The following ARL3 variants were observed in gnomAD, a reference collection of about 807,000 sequenced individuals.
The protein encoded by ARL3 is ADP-ribosylation factor-like protein 3.
In ARL3, 9 loss-of-function variants were observed where a neutral mutation model predicts 26.0. The observed-to-expected ratio is 0.35, with a 90% CI of 0.21 to 0.60. The LOEUF is 0.60. Among genes scored for constraint, ARL3 ranks in the 20% least tolerant of loss-of-function variants. The pLI, the probability that ARL3 is intolerant of heterozygous loss-of-function variation, is 0.78. For missense variants in ARL3, 158 were observed against 215.7 expected (o/e 0.73, Z 1.67); for synonymous variants, 71 against 78.4 (o/e 0.91, Z 0.50).
rs1362774508 is a variant in ARL3, at chr10:102,714,029, GC to G, written c.3+243del. On this transcript the variant is annotated intron_variant, in intron 1 of 5. Transcript: ENST00000260746. ...CCGCACCCGGCCAGCCGCGCACTCT[GC>G]CAGCCCCTTCCCCAAGCCTCGGACC... Among the ~76,000 whole-genome samples the G allele has an allele frequency of 2.0e-5, 3 of 152,170 alleles. No homozygotes were observed. The East Asian group carries it at 5.8e-4, about 29-fold the overall frequency.
At chr10:102,700,570 T>C (rs564785057) in intron 2 of ARL3, among the ~76,000 whole-genome samples, 6 of 151,700 alleles carry the variant, frequency 4.0e-5, no homozygotes, top group South Asian at 2.1e-4. Flanking sequence ...GTTCGAGTGA[T>C]TCTCCTGCCT....
At position 102,674,963 on chromosome 10, in the gene ARL3, G is replaced by A. The variant is rs1315558561; in HGVS notation, c.*1931C>T. On this transcript the variant is annotated 3_prime_UTR_variant, in exon 6 of 6. Transcript: ENST00000260746. ...CCCTCCAATGCCAAAGTTCCATACTGCAGTGTTCCAAAATTGCAGACCTCC... is the reference window on the plus strand; with the variant it reads ...CCCTCCAATGCCAAAGTTCCATACTACAGTGTTCCAAAATTGCAGACCTCC... The A allele has an allele frequency of 6.6e-6, 1 of 152,226 alleles. No homozygotes were observed. Among genetic ancestry groups the A allele is most frequent in the East Asian group, 1.9e-4 (1 of 5,202 alleles). The allele number at this position is 152,226 out of a possible 1,614,324, so 9.4% of individuals were successfully genotyped here.
At chr10:102,679,675 A>G (rs2064145863) in intron 5 of ARL3, among the ~76,000 whole-genome samples, 2 of 152,136 alleles carry the variant, frequency 1.3e-5, no homozygotes. Context: ...CAGGGGCCTG[A>G]GACTGGAGTA....
chr10:102,679,665 CAG>C (rs1215744624), intron 5 of ARL3, among the ~76,000 whole-genome samples: 18 of 152,174 alleles, frequency 1.2e-4, no homozygotes, highest in Non-Finnish European at 2.6e-4. Context: ...CCGCTAAAAA[CAG>C]GGGCCTGAGA....
intron 1 of ARL3, among the ~76,000 whole-genome samples, chr10:102,707,161 G>A (rs2064314550): frequency 6.6e-6 from 1 of 152,226 alleles, no homozygotes; most frequent in South Asian, 2.1e-4. Flanking sequence ...AGCCAGGCAT[G>A]GTGGCGCAGG....
chr10:102,708,387 C>T (rs572643238), intron 1 of ARL3, among the ~76,000 whole-genome samples: 2 of 152,260 alleles, frequency 1.3e-5, no homozygotes, highest in Admixed American at 1.3e-4. Flanking sequence ...TTTTACTACT[C>T]ATCCTGAGTT....
chr10:102,689,051 G>A (rs1312066844), intron 4 of ARL3, among the ~76,000 whole-genome samples: 2 of 152,190 alleles, frequency 1.3e-5, no homozygotes, highest in African/African-American at 4.8e-5. Flanking sequence ...GGCTGGGCAT[G>A]GAGGCTCACG....
chr10:102,695,946 G>A (rs927217322), intron 3 of ARL3, among the ~76,000 whole-genome samples: 3 of 151,670 alleles, frequency 2.0e-5, no homozygotes, highest in Non-Finnish European at 4.4e-5. Flanking sequence ...CCAGGCTGGA[G>A]TGACCACCAT....
chr10:102,677,788 T>C (rs994607996), intron 5 of ARL3, among the ~76,000 whole-genome samples: 3 of 152,074 alleles, frequency 2.0e-5, no homozygotes, highest in African/African-American at 7.2e-5. Context: ...TCAGAAGCCC[T>C]GAACAAAATC....
chr10:102,713,835 G>A (rs994237170), intron 1 of ARL3, among the ~76,000 whole-genome samples: 1 of 152,208 alleles, frequency 6.6e-6, no homozygotes, highest in African/African-American at 2.4e-5. Context: ...AGAGCCAATG[G>A]GGCCGGCCTT....
rs1250026215 is a variant in ARL3 at position 102,695,848 on chromosome 10, T to C, written c.264+3525A>G. Among the ~76,000 whole-genome samples the C allele has an allele frequency of 2.6e-5, 4 of 152,140 alleles. No homozygotes were observed. The East Asian group carries it at 7.7e-4, about 29-fold the overall frequency. On this transcript the variant is annotated intron_variant, in intron 3 of 5. Coordinates refer to ENST00000260746, the MANE Select transcript of ARL3 (RefSeq NM_004311.4). ...AAAATATTTTTAATTATTTTTATTT[T>C]TTTGTTTTTTTCTGAATTAAAAGAA... is the stretch of plus-strand genomic sequence containing the variant.
intron 5 of ARL3, among the ~76,000 whole-genome samples, chr10:102,684,800 G>A (rs1015398488): frequency 2.3e-4 from 35 of 151,746 alleles, no homozygotes; most frequent in African/African-American, 7.7e-4. Context: ...CACCATGTCC[G>A]GCTGATTTTT....
At chr10:102,698,032 G>A (rs1050094675) in intron 3 of ARL3, among the ~76,000 whole-genome samples, 1 of 152,118 alleles carries the variant, frequency 6.6e-6, no homozygotes, top group South Asian at 2.1e-4. Context: ...GAATGGGACA[G>A]TATTGGAGGG....
At chr10:102,681,267 C>A (rs1177513424) in intron 5 of ARL3, among the ~76,000 whole-genome samples, 6 of 151,768 alleles carry the variant, frequency 4.0e-5, no homozygotes, top group Admixed American at 3.9e-4. Flanking sequence ...TGGTGGGCAT[C>A]TGTAATCCCA....
In ARL3 at chr10:102,704,381, T is replaced by C. The variant is rs1004687674; in HGVS notation, c.147+965A>G. ...TAGGCTGGGTGTGGTGGCTCACACC[T>C]GTAATCCCAGCACTTTGGGAGGCTG... On this transcript the variant is annotated intron_variant, in intron 2 of 5. Transcript: ENST00000260746. Among the ~76,000 whole-genome samples, 31 of 152,276 alleles carry C rather than the reference T, an allele frequency of 2.0e-4. No homozygotes were observed. The East Asian group carries it at 5.4e-3, about 27-fold the overall frequency.
intron 1 of ARL3, among the ~76,000 whole-genome samples, chr10:102,711,674 G>A (rs1461158681): frequency 6.6e-6 from 1 of 152,012 alleles, no homozygotes; most frequent in Non-Finnish European, 1.5e-5. Flanking sequence ...GGAGAATGGC[G>A]TGAACCCGGG....
At chr10:102,682,452 T>C (rs2064160329) in intron 5 of ARL3, among the ~76,000 whole-genome samples, 1 of 152,150 alleles carries the variant, frequency 6.6e-6, no homozygotes, top group African/African-American at 2.4e-5. Flanking sequence ...GAACAACACG[T>C]GGTACTTCCC....
At chr10:102,698,771 G>A (rs1304536265) in intron 3 of ARL3, among the ~76,000 whole-genome samples, 1 of 152,172 alleles carries the variant, frequency 6.6e-6, no homozygotes, top group Non-Finnish European at 1.5e-5. Flanking sequence ...CAATGCACGA[G>A]GCAGCTTCTC....
chr10:102,681,289 G>A (rs775714757), intron 5 of ARL3, among the ~76,000 whole-genome samples: 19 of 151,970 alleles, frequency 1.3e-4, no homozygotes, highest in Non-Finnish European at 2.5e-4. Context: ...CTACTCGGGA[G>A]GCTGAGGCAG....
Sources: allele counts gnomAD v4.1 joint callset (sites outside exome capture counted in the v4.1 genomes callset), GRCh38; gene constraint gnomAD v4.1.1; transcripts MANE v1.5; gene names NCBI Gene and HGNC (gene_info 2026-07-23, HGNC 2026-07-21).